ACOT11: variants seen among roughly 807,000 people sequenced by gnomAD.
The protein encoded by ACOT11 is acyl-coenzyme A thioesterase 11.
A neutral mutation model predicts 77.5 loss-of-function variants in ACOT11; 69 were observed. That is an observed-to-expected ratio of 0.89 (90% CI 0.73 to 1.09). ACOT11 has a LOEUF of 1.09. ACOT11 is among the 50% of genes least tolerant of loss of function. The pLI, the probability that ACOT11 is intolerant of heterozygous loss-of-function variation, is 0.00. For missense variants in ACOT11, 766 were observed against 813.7 expected (o/e 0.94, Z 0.71); for synonymous variants, 279 against 313.0 (o/e 0.89, Z 1.15).
At position 54,605,148 on chromosome 1, in the gene ACOT11, G is replaced by T. The variant is rs1644009786; in HGVS notation, c.1309G>T (p.Ala437Ser). 1 of 1,613,976 alleles carries T rather than the reference G, an allele frequency of 6.2e-7. No individual in the cohort carries two copies. Among genetic ancestry groups the T allele is most frequent in the Non-Finnish European group, 8.5e-7 (1 of 1,180,026 alleles). ...HMEMVVHVDA[A>S]QAFLLLSDLR... is the part of the protein sequence containing the mutation. ...GGAGATGGTGGTGCATGTGGATGCA[G>T]CCCAGGCCTTCCTGCTGCTCTCGGA... The change falls in exon 13 of 16, where the codon GCC (alanine) becomes TCC (serine). Residue 437 changes from alanine to serine, a missense_variant. Coordinates refer to ENST00000343744, the MANE Select transcript of ACOT11 (RefSeq NM_147161.4).
At chr1:54,630,423 G>A (rs1240782425) in intron 15 of ACOT11, among the ~76,000 whole-genome samples, 8 of 152,174 alleles carry the variant, frequency 5.3e-5, no homozygotes, top group Admixed American at 2.0e-4. Flanking sequence ...CGGGAATGAC[G>A]GCAAGGAACA....
intron 1 of ACOT11, among the ~76,000 whole-genome samples, chr1:54,565,864 T>A (rs1485458293): frequency 1.3e-5 from 2 of 152,222 alleles, no homozygotes; most frequent in South Asian, 4.1e-4. Flanking sequence ...CTTGTTTCTT[T>A]GCTGCCTTTT....
chr1:54,623,345 G>A (rs903171354), intron 15 of ACOT11: 34 of 1,613,778 alleles, frequency 2.1e-5, no homozygotes, highest in African/African-American at 2.7e-5. Context: ...AGGTAATGCC[G>A]GCAAACACCC....
chr1:54,601,140 C>CAT (rs74310754), intron 8 of ACOT11, 129 bp from the exon 9 acceptor site: 318,097 of 775,048 alleles, frequency 0.41, 82,203 homozygotes, highest in Non-Finnish European at 0.44. Flanking sequence ...TGTGTGCATA[C>CAT]GTGTGTGTGT....
At chr1:54,601,586 T>A (rs1643964978) in intron 9 of ACOT11, among the ~76,000 whole-genome samples, 173 bp downstream of exon 9, 1 of 152,174 alleles carries the variant, frequency 6.6e-6, no homozygotes, top group Admixed American at 6.5e-5. Context: ...GGGATGCCCC[T>A]TGTGCAGGGC....
intron 15 of ACOT11, among the ~76,000 whole-genome samples, chr1:54,608,437 G>A (rs988247864): frequency 3.3e-5 from 5 of 152,128 alleles, no homozygotes; most frequent in Non-Finnish European, 7.4e-5. Flanking sequence ...GAAAACATGG[G>A]GAGGAGGCTG....
At chr1:54,568,445 AC>A (rs1361775264) in intron 1 of ACOT11, among the ~76,000 whole-genome samples, 2 of 141,030 alleles carry the variant, frequency 1.4e-5, no homozygotes, top group East Asian at 4.1e-4. Context: ...GCTCACTGCA[AC>A]CTCCACCTCC....
At chr1:54,610,858 G>T (rs192636778), downstream of ACOT11, 787 of 985,396 alleles carry the variant, frequency 8.0e-4, 1 homozygote, top group African/African-American at 0.013. Flanking sequence ...GTCTGATGGG[G>T]CCTCTTTGAG....
At chr1:54,549,974 T>G (rs1246125608) in intron 1 of ACOT11, among the ~76,000 whole-genome samples, 1 of 152,238 alleles carries the variant, frequency 6.6e-6, no homozygotes, top group African/African-American at 2.4e-5. Context: ...TTTACAGAGA[T>G]AACAATAGTA....
chr1:54,610,008 G>C lies in ACOT11; in HGVS notation c.*896G>C, dbSNP rs1245666564. The C allele has an allele frequency of 2.6e-6, 4 of 1,522,928 alleles. No homozygotes were observed. Among genetic ancestry groups the C allele is most frequent in the Non-Finnish European group, 3.5e-6 (4 of 1,139,516 alleles). 94.3% of individuals were successfully genotyped at this position (1,522,928 alleles called of 1,614,324 possible). A position where few individuals can be genotyped will look rare whatever the true frequency, so the allele number is the denominator to read the frequency against. On this transcript the variant is annotated 3_prime_UTR_variant, in exon 16 of 16. Transcript: ENST00000343744. ...TATCATAAGGTGTTAAGAGTCCCTTGTTAAAGGGGCAGTGGGAGTTATGGG... is the reference window on the plus strand; with the variant it reads ...TATCATAAGGTGTTAAGAGTCCCTTCTTAAAGGGGCAGTGGGAGTTATGGG...
At chr1:54,582,016 G>A (rs1044117040) in intron 1 of ACOT11, among the ~76,000 whole-genome samples, 1 of 152,230 alleles carries the variant, frequency 6.6e-6, no homozygotes, top group African/African-American at 2.4e-5. Flanking sequence ...TCCAGCCCAC[G>A]GCTTCTGCGC....
At chr1:54,617,762 T>C (rs1404543475) in intron 15 of ACOT11, among the ~76,000 whole-genome samples, 1 of 133,834 alleles carries the variant, frequency 7.5e-6, no homozygotes, top group Non-Finnish European at 1.5e-5. Flanking sequence ...CTCGCTCTGT[T>C]GCCCAGGCTG....
chr1:54,559,306 C>G (rs560016753), intron 1 of ACOT11, among the ~76,000 whole-genome samples: 2 of 152,302 alleles, frequency 1.3e-5, no homozygotes, highest in Admixed American at 1.3e-4. Flanking sequence ...CTGACCCCAC[C>G]CCACACACCT....
intron 6 of ACOT11, among the ~76,000 whole-genome samples, chr1:54,595,113 G>A (rs953523423): frequency 6.6e-5 from 10 of 152,256 alleles, no homozygotes; most frequent in East Asian, 1.9e-4. Flanking sequence ...TTGGGAGGCC[G>A]AGGCGGGTGG....
At chr1:54,604,266 C>A in intron 11 of ACOT11, 80 bp from the exon 12 acceptor site, 1 of 1,381,982 alleles carries the variant, frequency 7.2e-7, no homozygotes, top group South Asian at 1.2e-5. Context: ...CCAGGTTCCT[C>A]TCTGGCACAC....
chr1:54,599,036 C>T (rs1167925498), intron 7 of ACOT11, among the ~76,000 whole-genome samples: 2 of 146,426 alleles, frequency 1.4e-5, no homozygotes, highest in South Asian at 2.2e-4. Flanking sequence ...ATCCCAGCTA[C>T]TCAGGAGGCT....
intron 1 of ACOT11, among the ~76,000 whole-genome samples, chr1:54,563,064 C>G (rs1320116067): frequency 2.0e-5 from 3 of 151,442 alleles, no homozygotes; most frequent in African/African-American, 7.3e-5. Context: ...GCGGCTGCTC[C>G]TTGCCCTCGG....
chr1:54,576,762 AGCGAGACTGGAGGTGTGG>A (rs772949162), intron 1 of ACOT11, among the ~76,000 whole-genome samples: 23 of 152,218 alleles, frequency 1.5e-4, no homozygotes, highest in Non-Finnish European at 1.9e-4. Context: ...CTTCAGTGTG[AGCGAGACTGGAGGTGTGG>A]GCGAGACTGG....
chr1:54,575,203 C>T (rs1654065452), intron 1 of ACOT11, among the ~76,000 whole-genome samples: 2 of 152,218 alleles, frequency 1.3e-5, no homozygotes, highest in Non-Finnish European at 2.9e-5. Flanking sequence ...TGAGATGTCT[C>T]TGAGTGCGGG....
Sources: gnomAD v4.1 joint callset for allele counts (sites outside exome capture counted in the v4.1 genomes callset) on GRCh38, gnomAD v4.1.1 for gene constraint, MANE v1.5 for transcripts, NCBI Gene and HGNC (gene_info 2026-07-23, HGNC 2026-07-21) for gene names.